The following UGT8 variants were observed in gnomAD, a reference collection of about 807,000 sequenced individuals.
UGT8 encodes UDP glycosyltransferase 8.
Under a neutral mutation model 40.5 loss-of-function variants are expected in UGT8, and 12 were observed. The ratio of observed to expected loss-of-function variants is 0.30; its 90% CI spans 0.19 to 0.48. The LOEUF is 0.48. Ranked by LOEUF, UGT8 falls within the 20% of genes least tolerant of loss-of-function variation. The probability of loss-of-function intolerance (pLI) is 0.99; values close to 1 mark genes in which losing one functional copy is unlikely to be tolerated. For synonymous variants in UGT8, 224 were observed against 240.4 expected (o/e 0.93, Z 0.63); for missense variants, 513 against 648.7 (o/e 0.79, Z 2.27).
intron 1 of UGT8, among the ~76,000 whole-genome samples, chr4:114,619,777 T>G (rs147875618): frequency 2.9e-3 from 441 of 152,092 alleles, no homozygotes; most frequent in Non-Finnish European, 4.6e-3. Context: ...CTGCACTAAA[T>G]GAAATCAGGA....
chr4:114,656,719 C>G, intron 2 of UGT8: 1 of 484,012 alleles, frequency 2.1e-6, no homozygotes, highest in Non-Finnish European at 4.3e-6. Flanking sequence ...ATAACTGTGA[C>G]CTGAGGGGGA....
intron 2 of UGT8, among the ~76,000 whole-genome samples, chr4:114,634,378 C>T (rs916120399): frequency 6.6e-6 from 1 of 152,068 alleles, no homozygotes; most frequent in Non-Finnish European, 1.5e-5. Flanking sequence ...AGTTACCTTC[C>T]AAGAGATTAT....
At chr4:114,665,590 T>G in intron 3 of UGT8, 90 bp from the exon 4 acceptor site, 2 of 1,265,748 alleles carry the variant, frequency 1.6e-6, no homozygotes, top group Non-Finnish European at 2.1e-6. Context: ...TCATCAAACA[T>G]TTATTTTAAA....
At chr4:114,611,873 G>A (rs1261681044) in intron 1 of UGT8, among the ~76,000 whole-genome samples, 2 of 152,030 alleles carry the variant, frequency 1.3e-5, no homozygotes, top group Non-Finnish European at 2.9e-5. Flanking sequence ...CTGGTGACTT[G>A]TTAGGAATGG....
At chr4:114,642,998 T>A (rs868618207) in intron 2 of UGT8, among the ~76,000 whole-genome samples, 57 of 152,152 alleles carry the variant, frequency 3.7e-4, no homozygotes, top group African/African-American at 1.4e-3. Context: ...GGGACATAGC[T>A]TTTTTAGATA....
At chr4:114,640,745 T>A (rs1254487576) in intron 2 of UGT8, among the ~76,000 whole-genome samples, 2 of 152,138 alleles carry the variant, frequency 1.3e-5, no homozygotes, top group African/African-American at 4.8e-5. Context: ...AGAGAGAGAT[T>A]GTGCAGAAAA....
At chr4:114,656,464 T>C (rs1211267169) in intron 2 of UGT8, among the ~76,000 whole-genome samples, 1 of 152,166 alleles carries the variant, frequency 6.6e-6, no homozygotes, top group African/African-American at 2.4e-5. Flanking sequence ...ATTTATCCTG[T>C]TAACTGAATG....
Position 114,603,357 on chromosome 4 carries a change from A to G in UGT8, c.-3+4383A>G, listed in dbSNP as rs1044273977. Among the ~76,000 whole-genome samples, 108 of 152,186 alleles carry G rather than the reference A, an allele frequency of 7.1e-4. 1 individual carries two copies. Among genetic ancestry groups the G allele is most frequent in the African/African-American group, 2.4e-3 (101 of 41,444 alleles). On this transcript the variant is annotated intron_variant, in intron 1 of 5. Coordinates refer to ENST00000310836, the MANE Select transcript of UGT8 (RefSeq NM_001128174.3). ...TAGATAAATGGATAGACACACAGAA[A>G]CATTTAGGAGTTTTCAGTGTATAGG...
intron 1 of UGT8, among the ~76,000 whole-genome samples, chr4:114,616,389 C>T (rs1301324921): frequency 6.6e-6 from 1 of 152,188 alleles, no homozygotes; most frequent in Non-Finnish European, 1.5e-5. Flanking sequence ...GGGCGTAGGA[C>T]CCTCTGAGCC....
chr4:114,636,722 A>G (rs1190681292), intron 2 of UGT8, among the ~76,000 whole-genome samples: 4 of 151,416 alleles, frequency 2.6e-5, no homozygotes, highest in South Asian at 2.1e-4. Context: ...CCTTCCCCCA[A>G]ACTTCCCGCT....
upstream of UGT8, chr4:114,598,592 A>G (rs1015770484): frequency 1.6e-4 from 25 of 152,280 alleles, no homozygotes; most frequent in African/African-American, 6.0e-4. Context: ...GTCAGAGGCG[A>G]GTGATGCTAG....
intron 1 of UGT8, chr4:114,619,535 A>C (rs1731649596): frequency 6.6e-6 from 1 of 152,136 alleles, no homozygotes; most frequent in Non-Finnish European, 1.5e-5. Flanking sequence ...GGCAAGTATC[A>C]TTCCCATATG....
intron 2 of UGT8, among the ~76,000 whole-genome samples, chr4:114,656,576 A>T (rs1298885726): frequency 1.3e-5 from 2 of 152,196 alleles, no homozygotes; most frequent in Admixed American, 1.3e-4. Flanking sequence ...CACCTACTGC[A>T]TCTTACACCT....
intron 2 of UGT8, 31 bp from the exon 3 acceptor site, chr4:114,663,964 G>T (rs371979884): frequency 6.2e-7 from 1 of 1,611,078 alleles, no homozygotes; most frequent in Non-Finnish European, 8.5e-7. Context: ...ATTGGTCTTC[G>T]TAAAACTTAC....
Position 114,676,374 on chromosome 4 carries a change from A to C in UGT8, c.*86A>C. ...TTAGTCTAACAGCTACTAAAAGTAA[A>C]ACATCAGTAAACAATTCTAACATGC... On this transcript the variant is annotated 3_prime_UTR_variant, in exon 6 of 6. Transcript: ENST00000310836. The C allele has an allele frequency of 9.0e-7, 1 of 1,107,738 alleles. No homozygotes were observed. Among genetic ancestry groups the C allele is most frequent in the Non-Finnish European group, 1.3e-6 (1 of 777,458 alleles). The allele number at this position is 1,107,738 out of a possible 1,614,324, so 68.6% of individuals were successfully genotyped here.
chr4:114,623,534 A>T lies in UGT8; in HGVS notation c.654A>T (p.Ile218=). The change falls in exon 2 of 6, where the codon ATA becomes ATT. Residue 218 remains isoleucine (I), a synonymous_variant. Coordinates refer to ENST00000310836, the MANE Select transcript of UGT8 (RefSeq NM_001128174.3). ...TGGTTCTTCCCAAATATGAAAGGAT[A>T]ATGCAGAAGTACAACCTGCTGCCAG... The part of the protein sequence containing the change: ...SFLVLPKYER[I]MQKYNLLPEK... 1 of 1,614,134 alleles carries T rather than the reference A, an allele frequency of 6.2e-7. No homozygotes were observed. The highest frequency in any genetic ancestry group is 8.5e-7 in the Non-Finnish European group (1 of 1,180,012).
At chr4:114,609,048 C>T (rs1417960469) in intron 1 of UGT8, among the ~76,000 whole-genome samples, 2 of 152,112 alleles carry the variant, frequency 1.3e-5, no homozygotes, top group South Asian at 2.1e-4. Context: ...CTTTCCATCT[C>T]CCTCTGAGCA....
chr4:114,644,454 G>A (rs1733427854), intron 2 of UGT8, among the ~76,000 whole-genome samples: 1 of 152,050 alleles, frequency 6.6e-6, no homozygotes, highest in South Asian at 2.1e-4. Flanking sequence ...ACCCTTTGAT[G>A]TTTTTATCTG....
intron 2 of UGT8, 149 bp from the exon 3 acceptor site, chr4:114,663,846 C>T (rs1578464465): frequency 7.1e-7 from 1 of 1,399,994 alleles, no homozygotes. Flanking sequence ...TAAACAAAAG[C>T]AGTTATTTAG....
Sources: gnomAD v4.1 joint callset for allele counts (sites outside exome capture counted in the v4.1 genomes callset) on GRCh38, gnomAD v4.1.1 for gene constraint, MANE v1.5 for transcripts, NCBI Gene and HGNC (gene_info 2026-07-23, HGNC 2026-07-21) for gene names.